SNTG1: variants seen among roughly 807,000 people sequenced by gnomAD.
The protein encoded by SNTG1 is gamma-1-syntrophin.
Under a neutral mutation model 74.7 loss-of-function variants are expected in SNTG1, and 39 were observed. The observed-to-expected ratio is 0.52, with a 90% CI of 0.40 to 0.68. The LOEUF (loss-of-function observed/expected upper bound fraction) is 0.68. SNTG1 is among the 30% of genes least tolerant of loss of function. The pLI is 0.00. For missense variants in SNTG1, 685 were observed against 609.5 expected (o/e 1.12, Z -1.30); for synonymous variants, 254 against 217.1 (o/e 1.17, Z -1.49).
intron 4 of SNTG1, among the ~76,000 whole-genome samples, chr8:50,405,867 G>T (rs957207013): frequency 6.6e-6 from 1 of 152,038 alleles, no homozygotes; most frequent in Non-Finnish European, 1.5e-5. Flanking sequence ...TGGATATCCA[G>T]TTCAAAATCA....
At chr8:49,919,505 A>T (rs1318176919) in intron 1 of SNTG1, among the ~76,000 whole-genome samples, 3 of 152,106 alleles carry the variant, frequency 2.0e-5, no homozygotes, top group Admixed American at 6.5e-5. Flanking sequence ...CTGCTGAGGG[A>T]ATACTCAGCA....
intron 1 of SNTG1, among the ~76,000 whole-genome samples, chr8:50,108,956 T>G (rs2080482574): frequency 6.6e-6 from 1 of 152,168 alleles, no homozygotes; most frequent in Non-Finnish European, 1.5e-5. Flanking sequence ...ATGTATATAG[T>G]CTAGGTGGAA....
chr8:50,465,506 G>T (rs2093601946), intron 8 of SNTG1, among the ~76,000 whole-genome samples: 1 of 152,010 alleles, frequency 6.6e-6, no homozygotes, highest in Non-Finnish European at 1.5e-5. Context: ...AAATTCAATG[G>T]GTTTTGACAC....
chr8:50,192,943 G>A (rs566270296), intron 2 of SNTG1, among the ~76,000 whole-genome samples: 49 of 152,028 alleles, frequency 3.2e-4, no homozygotes, highest in African/African-American at 8.2e-4. Context: ...TTGCTTTGTC[G>A]AAGATCAGTT....
intron 2 of SNTG1, among the ~76,000 whole-genome samples, chr8:50,268,174 A>C (rs2087577246): frequency 6.6e-6 from 1 of 152,198 alleles, no homozygotes; most frequent in Non-Finnish European, 1.5e-5. Context: ...ATCCACAGGA[A>C]AATTATTTGG....
chr8:50,297,951 A>T (rs191769646), intron 2 of SNTG1, among the ~76,000 whole-genome samples: 1 of 151,934 alleles, frequency 6.6e-6, no homozygotes, highest in Non-Finnish European at 1.5e-5. Context: ...TAGAAGTAAA[A>T]TATTGTTTTT....
At chr8:49,943,952 A>C (rs886604806) in intron 1 of SNTG1, among the ~76,000 whole-genome samples, 1 of 152,222 alleles carries the variant, frequency 6.6e-6, no homozygotes, top group Admixed American at 6.5e-5. Context: ...GGAAAATTTA[A>C]TCTCATTATA....
rs543001438 is a variant in SNTG1 at position 50,457,467 on chromosome 8, A to C, written c.363+6738A>C. Among the ~76,000 whole-genome samples, 15 of 152,342 alleles carry C rather than the reference A, an allele frequency of 9.8e-5. No homozygotes were observed. In the South Asian group the frequency reaches 3.1e-3, roughly 32 times the overall value. ...AGGCCTTCCCAAGGAGCAAATGTAC[A>C]ATTTTAAGCAAATGAATACAGAGAT... On this transcript the variant is annotated intron_variant, in intron 8 of 18. Coordinates refer to ENST00000642720, the MANE Select transcript of SNTG1 (RefSeq NM_018967.5).
At chr8:50,028,358 T>C (rs1031649429) in intron 1 of SNTG1, among the ~76,000 whole-genome samples, 15 of 152,052 alleles carry the variant, frequency 9.9e-5, no homozygotes, top group African/African-American at 3.4e-4. Flanking sequence ...TTAACCACTG[T>C]TTTTTTCCCA....
chr8:50,127,100 AT>A (rs1173881854), intron 1 of SNTG1, among the ~76,000 whole-genome samples: 1 of 152,106 alleles, frequency 6.6e-6, no homozygotes, highest in Non-Finnish European at 1.5e-5. Context: ...AATATCAGAA[AT>A]TGTGATGTGT....
At chr8:50,257,358 G>C (rs1219046728) in intron 2 of SNTG1, among the ~76,000 whole-genome samples, 1 of 152,158 alleles carries the variant, frequency 6.6e-6, no homozygotes, top group Non-Finnish European at 1.5e-5. Context: ...CCTCCTCGTA[G>C]AGTAGGGGTG....
At chr8:50,103,267 G>A (rs182871539) in intron 1 of SNTG1, among the ~76,000 whole-genome samples, 1 of 152,234 alleles carries the variant, frequency 6.6e-6, no homozygotes, top group African/African-American at 2.4e-5. Flanking sequence ...TCTTGAAGAG[G>A]TCCTTCACGT....
intron 15 of SNTG1, among the ~76,000 whole-genome samples, chr8:50,668,259 A>G (rs953830081): frequency 6.6e-6 from 1 of 151,994 alleles, no homozygotes; most frequent in Non-Finnish European, 1.5e-5. Context: ...TAAATTCCCC[A>G]TCTGTTATAT....
At chr8:50,762,447 A>G (rs1298320716) in intron 18 of SNTG1, 8 of 288,678 alleles carry the variant, frequency 2.8e-5, no homozygotes, top group Non-Finnish European at 4.9e-5. Flanking sequence ...TAAAAAACTC[A>G]CGGGACATTC....
intron 1 of SNTG1, among the ~76,000 whole-genome samples, chr8:49,994,876 A>T (rs1814057230): frequency 6.6e-6 from 1 of 152,138 alleles, no homozygotes; most frequent in African/African-American, 2.4e-5. Context: ...GAATCATCCC[A>T]GATCTTAAAA....
Position 50,553,686 on chromosome 8 carries a change from C to T in SNTG1, c.810+507C>T, listed in dbSNP as rs531458238. ...CTTCTCTGCATTTTCTCTCTTTCCA[C>T]TACAACCGTTGCTTCCTTCCACATT... On this transcript the variant is annotated intron_variant, in intron 12 of 18. Transcript: ENST00000642720. 7.2e-5 allele frequency among the ~76,000 whole-genome samples: 11 copies of T among 152,266 alleles called. 1 individual carries two copies. The South Asian group carries it at 2.3e-3, about 32-fold the overall frequency.
At chr8:50,682,759 A>G (rs747445491) in intron 15 of SNTG1, among the ~76,000 whole-genome samples, 2 of 152,136 alleles carry the variant, frequency 1.3e-5, no homozygotes, top group Non-Finnish European at 2.9e-5. Context: ...ACCCTCAGGC[A>G]TGCCCTATCT....
intron 1 of SNTG1, among the ~76,000 whole-genome samples, chr8:50,155,355 A>T (rs2082219658): frequency 6.6e-6 from 1 of 152,186 alleles, no homozygotes; most frequent in Non-Finnish European, 1.5e-5. Flanking sequence ...GTAGTAGAAC[A>T]ATTTGATATC....
At chr8:50,329,588 CA>C (rs1329832645) in intron 2 of SNTG1, among the ~76,000 whole-genome samples, 4 of 152,046 alleles carry the variant, frequency 2.6e-5, no homozygotes, top group Admixed American at 6.6e-5. Context: ...TGTAGTGGCT[CA>C]AATGCAGGGC....
Sources: allele counts gnomAD v4.1 joint callset (sites outside exome capture counted in the v4.1 genomes callset), GRCh38; gene constraint gnomAD v4.1.1; transcripts MANE v1.5; gene names NCBI Gene and HGNC (gene_info 2026-07-23, HGNC 2026-07-21).